Variants in RANBP17 observed in about 807,000 individuals in gnomAD.
RANBP17 encodes the protein RAN binding protein 17.
In RANBP17, 158 loss-of-function variants were observed where a neutral mutation model predicts 141.2. The ratio of observed to expected loss-of-function variants is 1.12; its 90% confidence interval spans 0.98 to 1.28. The LOEUF (loss-of-function observed/expected upper bound fraction) is 1.28, where lower values mean the gene tolerates loss of function less well. Among genes scored for constraint, RANBP17 ranks in the 50% most tolerant of loss-of-function variants. The pLI is 0.00. For missense variants in RANBP17, 1,438 were observed against 1,290.7 expected, an observed-to-expected ratio of 1.11 and a Z score of -1.75; for synonymous variants, 430 against 450.0, an observed-to-expected ratio of 0.96 and a Z score of 0.56.
At chr5:171,173,506 C>G (rs1760237982) in intron 16 of RANBP17, among the ~76,000 whole-genome samples, 1 of 151,864 alleles carries the variant, frequency 6.6e-6, no homozygotes, top group Non-Finnish European at 1.5e-5. Context: ...CAGATACTTT[C>G]TGTTTTATTT....
chr5:171,046,142 A>G (rs114322176), intron 14 of RANBP17, among the ~76,000 whole-genome samples: 1 of 151,748 alleles, frequency 6.6e-6, no homozygotes, highest in African/African-American at 2.4e-5. Flanking sequence ...TATTTTCTCC[A>G]TCATAGGATC....
At chr5:170,869,671 A>G (rs559091512) in intron 1 of RANBP17, among the ~76,000 whole-genome samples, 12 of 152,048 alleles carry the variant, frequency 7.9e-5, no homozygotes, top group East Asian at 7.7e-4. Flanking sequence ...CTGCATCTCA[A>G]ATCTCCCTCC....
chr5:170,883,636 G>A (rs1768908090), intron 3 of RANBP17, among the ~76,000 whole-genome samples: 1 of 151,792 alleles, frequency 6.6e-6, no homozygotes, highest in Admixed American at 6.6e-5. Flanking sequence ...TCTTTTTACT[G>A]TCTCCATAGC....
intron 18 of RANBP17, among the ~76,000 whole-genome samples, chr5:171,185,296 G>T (rs1460313087): frequency 6.6e-6 from 1 of 152,226 alleles, no homozygotes; most frequent in Non-Finnish European, 1.5e-5. Context: ...ACTGATCAAA[G>T]TAGTTGCCAA....
intron 14 of RANBP17, among the ~76,000 whole-genome samples, chr5:171,024,513 A>G (rs1781103140): frequency 6.6e-6 from 1 of 152,190 alleles, no homozygotes; most frequent in Non-Finnish European, 1.5e-5. Context: ...AATCCTTAAC[A>G]TAAAAGAAGC....
At chr5:171,233,732 G>A (rs770965319) in intron 22 of RANBP17, among the ~76,000 whole-genome samples, 2 of 152,176 alleles carry the variant, frequency 1.3e-5, no homozygotes, top group Non-Finnish European at 2.9e-5. Flanking sequence ...GCTGCCAGTG[G>A]TTAGGGGACA....
At chr5:171,251,429 A>G (rs1765551338) in intron 24 of RANBP17, among the ~76,000 whole-genome samples, 1 of 152,140 alleles carries the variant, frequency 6.6e-6, no homozygotes, top group Admixed American at 6.5e-5. Context: ...CTCAGACCAC[A>G]GTGGAATAAA....
At chr5:171,152,527 C>T (rs1231411339) in intron 14 of RANBP17, among the ~76,000 whole-genome samples, 1 of 152,042 alleles carries the variant, frequency 6.6e-6, no homozygotes. Context: ...TCCTAGGGTT[C>T]TTCCCACTTA....
At chr5:171,048,905 T>C (rs1164432125) in intron 14 of RANBP17, among the ~76,000 whole-genome samples, 1 of 152,198 alleles carries the variant, frequency 6.6e-6, no homozygotes, top group African/African-American at 2.4e-5. Flanking sequence ...TTGATATGCT[T>C]GTCTTTGTTA....
chr5:171,203,301 C>G (rs1408866711), intron 19 of RANBP17, among the ~76,000 whole-genome samples: 4 of 152,160 alleles, frequency 2.6e-5, no homozygotes, highest in Non-Finnish European at 5.9e-5. Context: ...ACTTAGTAGG[C>G]TGGTTGAGCT....
intron 14 of RANBP17, among the ~76,000 whole-genome samples, chr5:171,055,887 A>C (rs988732291): frequency 2.9e-5 from 4 of 140,074 alleles, no homozygotes; most frequent in Admixed American, 1.5e-4. Flanking sequence ...TGCCAAAAAA[A>C]AAAAAAAAAC....
At chr5:171,061,987 C>T (rs1783907157) in intron 14 of RANBP17, among the ~76,000 whole-genome samples, 1 of 151,764 alleles carries the variant, frequency 6.6e-6, no homozygotes, top group African/African-American at 2.4e-5. Flanking sequence ...GCAACCCCTG[C>T]CTTTTTTTGT....
intron 14 of RANBP17, among the ~76,000 whole-genome samples, chr5:170,972,146 A>G (rs2127535926): frequency 6.6e-6 from 1 of 151,068 alleles, no homozygotes; most frequent in East Asian, 1.9e-4. Flanking sequence ...AACTTTATAT[A>G]AAAGTATTAT....
chr5:171,263,449 T>TA (rs1363327982), intron 24 of RANBP17, among the ~76,000 whole-genome samples: 1 of 152,198 alleles, frequency 6.6e-6, no homozygotes, highest in African/African-American at 2.4e-5. Flanking sequence ...AAATGCAAAT[T>TA]ATACTTACTA....
intron 14 of RANBP17, among the ~76,000 whole-genome samples, chr5:171,047,615 T>C (rs1277896471): frequency 2.6e-5 from 4 of 151,870 alleles, no homozygotes; most frequent in African/African-American, 9.7e-5. Flanking sequence ...AATTTTTGTA[T>C]TTTTAGTAGA....
At chr5:171,191,350 G>A (rs1761618890) in intron 18 of RANBP17, among the ~76,000 whole-genome samples, 1 of 145,858 alleles carries the variant, frequency 6.9e-6, no homozygotes, top group Admixed American at 6.8e-5. Context: ...TGATCCGCCT[G>A]CCCACATTAA....
chr5:170,923,381 C>G (rs887925107), intron 11 of RANBP17, among the ~76,000 whole-genome samples: 1 of 152,196 alleles, frequency 6.6e-6, no homozygotes, highest in Admixed American at 6.5e-5. Context: ...CACCAGTACC[C>G]TGTCTTGATT....
intron 13 of RANBP17, among the ~76,000 whole-genome samples, chr5:170,959,033 A>G (rs569502764): frequency 6.6e-6 from 1 of 152,292 alleles, no homozygotes; most frequent in Admixed American, 6.5e-5. Flanking sequence ...TAGGATATAA[A>G]TAACTCCCAC....
Position 171,298,999 on chromosome 5 carries a change from T to C in RANBP17, c.*141T>C, listed in dbSNP as rs1768993631. ...CAACAGCAAAAGCCCTAACTTCTTA[T>C]ACGTCTAGCCTAATTATAAGAATTT... On this transcript the variant is annotated 3_prime_UTR_variant, in exon 28 of 28. Coordinates refer to ENST00000523189, the MANE Select transcript of RANBP17 (RefSeq NM_022897.5). The C allele has an allele frequency of 1.2e-5, 7 of 570,024 alleles. No individual in the cohort carries two copies. Among genetic ancestry groups the C allele is most frequent in the South Asian group, 2.4e-5 (1 of 42,224 alleles). 35.3% of individuals were successfully genotyped at this position (570,024 alleles called of 1,614,324 possible). A position where few individuals can be genotyped will look rare whatever the true frequency, so the allele number is the denominator to read the frequency against.
Sources: gnomAD v4.1 joint callset for allele counts (sites outside exome capture counted in the v4.1 genomes callset) on GRCh38, gnomAD v4.1.1 for gene constraint, MANE v1.5 for transcripts, NCBI Gene and HGNC (gene_info 2026-07-23, HGNC 2026-07-21) for gene names.